TSG101: variants seen among roughly 807,000 people sequenced by gnomAD.
The protein encoded by TSG101 is tumor susceptibility 101, also known as tumor susceptibility gene 101 protein.
Under a neutral mutation model 48.5 loss-of-function variants are expected in TSG101, and 19 were observed. The ratio of observed to expected loss-of-function variants is 0.39; its 90% CI spans 0.27 to 0.58. The LOEUF (loss-of-function observed/expected upper bound fraction) is 0.58. Among genes scored for constraint, TSG101 ranks in the 20% least tolerant of loss-of-function variants. The probability of loss-of-function intolerance (pLI) is 0.55; values close to 1 mark genes in which losing one functional copy is unlikely to be tolerated. For synonymous variants in TSG101, 174 were observed against 169.4 expected (o/e 1.03, Z -0.21); for missense variants, 365 against 484.4 (o/e 0.75, Z 2.31).
At chr11:18,507,017 G>T in intron 5 of TSG101, 94 bp from the exon 6 acceptor site, 2 of 943,396 alleles carry the variant, frequency 2.1e-6, no homozygotes, top group Non-Finnish European at 3.1e-6. Context: ...TCAATACACA[G>T]CAAAATTTCA....
At chr11:18,505,973 A>T (rs2133921428) in intron 6 of TSG101, among the ~76,000 whole-genome samples, 1 of 152,092 alleles carries the variant, frequency 6.6e-6, no homozygotes, top group South Asian at 2.1e-4. Context: ...ATGTGCCACC[A>T]TGCCTGGCTA....
At chr11:18,503,966 G>A (rs979579709) in intron 6 of TSG101, among the ~76,000 whole-genome samples, 5 of 152,106 alleles carry the variant, frequency 3.3e-5, no homozygotes, top group Non-Finnish European at 5.9e-5. Flanking sequence ...CACTTTGGGA[G>A]GCTGAGGCAG....
At chr11:18,492,425 T>G (rs2133909258) in intron 7 of TSG101, among the ~76,000 whole-genome samples, 1 of 152,366 alleles carries the variant, frequency 6.6e-6, no homozygotes, top group East Asian at 1.9e-4. Flanking sequence ...AGCTATTATA[T>G]CTGGTCTAAT....
In TSG101 at chr11:18,510,029, C is replaced by T. The variant is rs1480145545; in HGVS notation, c.358-364G>A. On this transcript the variant is annotated intron_variant, in intron 4 of 9. Transcript: ENST00000251968. ...TAGGGATGAATATGAGCAACAGTCA[C>T]AATATTATTAAAGGCCATTAAAAGA... Among the ~76,000 whole-genome samples the T allele has an allele frequency of 2.6e-5, 4 of 152,160 alleles. No homozygotes were observed. The South Asian group carries it at 8.3e-4, about 32-fold the overall frequency.
At chr11:18,526,726 G>C in intron 1 of TSG101, 49 bp downstream of exon 1, 10 of 1,585,582 alleles carry the variant, frequency 6.3e-6, no homozygotes, top group Non-Finnish European at 8.5e-6. Flanking sequence ...ACAGGGCGCG[G>C]AAGGGAGCGG....
intron 1 of TSG101, 77 bp downstream of exon 1, chr11:18,526,698 T>C: frequency 1.3e-6 from 2 of 1,537,310 alleles, no homozygotes; most frequent in African/African-American, 1.4e-5. Flanking sequence ...CTTGCTTGGC[T>C]GGGCCGGGAC....
intron 8 of TSG101, among the ~76,000 whole-genome samples, chr11:18,482,522 T>A (rs1170188082): frequency 6.6e-6 from 1 of 152,216 alleles, no homozygotes; most frequent in Non-Finnish European, 1.5e-5. Flanking sequence ...TGGAATAAAT[T>A]CTCCCTCATG....
chr11:18,522,437 C>T (rs529827959), intron 1 of TSG101, among the ~76,000 whole-genome samples: 2 of 152,316 alleles, frequency 1.3e-5, no homozygotes, highest in Admixed American at 1.3e-4. Flanking sequence ...CTTTTCTTCA[C>T]ATCCACAGCA....
At position 18,526,864 on chromosome 11, in the gene TSG101, T is replaced by C. The variant is rs1309242809; in HGVS notation, c.-48A>G. 6 of 1,582,030 alleles carry C rather than the reference T, an allele frequency of 3.8e-6. No individual in the cohort carries two copies. The highest frequency in any genetic ancestry group is 5.1e-6 in the Non-Finnish European group (6 of 1,170,404). ...TCCCCGCAGGCAGAGGGTCAGCCGCTGCTGGGCTGCCCCAGACCGTCCCAC... is the reference window on the plus strand; with the variant it reads ...TCCCCGCAGGCAGAGGGTCAGCCGCCGCTGGGCTGCCCCAGACCGTCCCAC... On this transcript the variant is annotated 5_prime_UTR_variant, in exon 1 of 10. Transcript: ENST00000251968.
In TSG101 at chr11:18,481,393, C is replaced by T. The variant is rs1055331594; in HGVS notation, c.1083+237G>A. 2.2e-5 allele frequency: 28 copies of T among 1,301,214 alleles called. No individual in the cohort carries two copies. In the African/African-American group the frequency reaches 3.9e-4, roughly 18 times the overall value. The allele number at this position is 1,301,214 out of a possible 1,614,324, so 80.6% of individuals were successfully genotyped here. A position where few individuals can be genotyped will look rare whatever the true frequency, so the allele number is the denominator to read the frequency against. On this transcript the variant is annotated intron_variant, in intron 9 of 9. Transcript: ENST00000251968. The stretch of plus-strand genomic sequence containing the variant: ...CAGAAGAGTTACACTCATCTTAATG[C>T]TGCCTGTGGGCAGAGAACTGCAGCC...
At chr11:18,511,721 T>C (rs1850085815) in intron 4 of TSG101, among the ~76,000 whole-genome samples, 1 of 152,188 alleles carries the variant, frequency 6.6e-6, no homozygotes, top group Non-Finnish European at 1.5e-5. Context: ...TATGCAACCA[T>C]TACCACCATC....
chr11:18,506,983 C>T lies in TSG101; in HGVS notation c.482-60G>A, dbSNP rs866406371. 4.3e-6 allele frequency: 6 copies of T among 1,399,606 alleles called. No individual in the cohort carries two copies. The Middle Eastern group carries it at 7.2e-4, about 167-fold the overall frequency. The allele number at this position is 1,399,606 out of a possible 1,614,324, so 86.7% of individuals were successfully genotyped here. A position where few individuals can be genotyped will look rare whatever the true frequency, so the allele number is the denominator to read the frequency against. On this transcript the variant is annotated intron_variant, in intron 5 of 9. Coordinates refer to ENST00000251968, the MANE Select transcript of TSG101 (RefSeq NM_006292.4). ...ATACAAGGCCTGAATATGTAGGCTA[C>T]TGAATAAGATATACATCACACTGTC...
At chr11:18,503,686 T>A (rs1309707527) in intron 6 of TSG101, among the ~76,000 whole-genome samples, 3 of 152,134 alleles carry the variant, frequency 2.0e-5, no homozygotes, top group Non-Finnish European at 4.4e-5. Context: ...CTATTCTTAA[T>A]TCCTTTAACC....
At chr11:18,503,522 G>A (rs1016668949) in intron 6 of TSG101, among the ~76,000 whole-genome samples, 1 of 151,806 alleles carries the variant, frequency 6.6e-6, no homozygotes, top group African/African-American at 2.4e-5. Context: ...ATAGGTGCCC[G>A]CCACCACACC....
intron 7 of TSG101, among the ~76,000 whole-genome samples, chr11:18,487,685 CA>C (rs1281991002): frequency 6.6e-6 from 1 of 151,808 alleles, no homozygotes; most frequent in African/African-American, 2.4e-5. Context: ...TTTGCTATTG[CA>C]AAAAACAAAA....
chr11:18,484,915 T>C (rs917384892), intron 7 of TSG101, among the ~76,000 whole-genome samples: 4 of 150,514 alleles, frequency 2.7e-5, no homozygotes. Flanking sequence ...ACGTTAAGTA[T>C]ATTTAACCTT....
At chr11:18,490,486 G>A (rs1293335581) in intron 7 of TSG101, 1 of 499,964 alleles carries the variant, frequency 2.0e-6, no homozygotes, top group South Asian at 1.9e-5. Flanking sequence ...TGTGTAGGCT[G>A]CATTTCTTCT....
intron 7 of TSG101, among the ~76,000 whole-genome samples, chr11:18,491,719 G>A (rs1849703605): frequency 6.6e-6 from 1 of 152,220 alleles, no homozygotes; most frequent in African/African-American, 2.4e-5. Context: ...TGTCAGAAGT[G>A]CAGGTGGTTT....
At chr11:18,508,093 C>CA (rs200656803) in intron 5 of TSG101, among the ~76,000 whole-genome samples, 16,644 of 131,542 alleles carry the variant, frequency 0.13, 1,120 homozygotes, top group South Asian at 0.25. Flanking sequence ...GACTCTGTCT[C>CA]AAAAAAAAAA....
Sources: allele counts gnomAD v4.1 joint callset (sites outside exome capture counted in the v4.1 genomes callset), GRCh38; gene constraint gnomAD v4.1.1; transcripts MANE v1.5; gene names NCBI Gene and HGNC (gene_info 2026-07-23, HGNC 2026-07-21).